EIF4A2: variants seen among roughly 807,000 people sequenced by gnomAD.
EIF4A2 encodes the protein eukaryotic initiation factor 4A-II.
EIF4A2 carries 9 observed loss-of-function variants against 50.6 expected under a neutral mutation model. The ratio of observed to expected loss-of-function variants is 0.18; its 90% confidence interval spans 0.11 to 0.31. The LOEUF is 0.31. EIF4A2 is among the 10% of genes least tolerant of loss of function. The pLI, the probability that EIF4A2 is intolerant of heterozygous loss-of-function variation, is 1.00. For missense variants in EIF4A2, 182 were observed against 501.8 expected, an observed-to-expected ratio of 0.36 and a Z score of 6.09; for synonymous variants, 215 against 164.4, an observed-to-expected ratio of 1.31 and a Z score of -2.35.
Position 186,789,784 on chromosome 3 carries a change from G to A in EIF4A2, c.*515G>A, listed in dbSNP as rs1050519190. On this transcript the variant is annotated 3_prime_UTR_variant, in exon 11 of 11. Coordinates refer to ENST00000323963, the MANE Select transcript of EIF4A2 (RefSeq NM_001967.4). ...TAGTGCTAAGTGTGAACTGGACCCT[G>A]TTGCTAAGCCCCAGCAAGCAATCCT... 8.8e-6 allele frequency: 5 copies of A among 570,094 alleles called. No individual in the cohort carries two copies. The highest frequency in any genetic ancestry group is 1.5e-5 in the Non-Finnish European group (5 of 322,966). The allele number at this position is 570,094 out of a possible 1,614,324, so 35.3% of individuals were successfully genotyped here. A position where few individuals can be genotyped will look rare whatever the true frequency, so the allele number is the denominator to read the frequency against.
Position 186,786,240 on chromosome 3 carries a change from T to C in EIF4A2, c.594T>C (p.Tyr198=). The change falls in exon 6 of 11, where the codon TAT becomes TAC. Residue 198 remains tyrosine, a synonymous_variant. Transcript: ENST00000323963. ...GCCGTGGTTTTAAGGATCAAATCTA[T>C]GAGATTTTCCAAAAACTAAACACAA... The part of the protein sequence containing the change: ...MLSRGFKDQI[Y]EIFQKLNTSI... 1 of 1,613,652 alleles carries C rather than the reference T, an allele frequency of 6.2e-7. No individual in the cohort carries two copies. The highest frequency in any genetic ancestry group is 8.5e-7 in the Non-Finnish European group (1 of 1,179,802).
rs773001179 is a variant in EIF4A2, at chr3:186,789,840, A to G, written c.*571A>G. The G allele has an allele frequency of 6.9e-5, 47 of 683,328 alleles. No homozygotes were observed. In the Middle Eastern group the frequency reaches 1.1e-3, roughly 17 times the overall value. The allele number at this position is 683,328 out of a possible 1,614,324, so 42.3% of individuals were successfully genotyped here. ...GGGTTTAATCCCCAGTAAAATTGCC[A>G]TATTGCACATGTCTTAATGAAGTTT... On this transcript the variant is annotated 3_prime_UTR_variant, in exon 11 of 11. Coordinates refer to ENST00000323963, the MANE Select transcript of EIF4A2 (RefSeq NM_001967.4).
intron 3 of EIF4A2, 95 bp from the exon 4 acceptor site, chr3:186,784,867 T>C (rs1484413305): frequency 1.2e-6 from 2 of 1,605,078 alleles, no homozygotes; most frequent in Non-Finnish European, 1.7e-6. Context: ...GATCACTTGA[T>C]TATTTGGGCA....
At chr3:186,785,508 T>C (rs1721641403) in intron 4 of EIF4A2, 1 of 297,488 alleles carries the variant, frequency 3.4e-6, no homozygotes, top group Admixed American at 4.7e-5. Flanking sequence ...CTGTAGGCTT[T>C]ATTGAGGTCA....
chr3:186,789,434 G>T lies in EIF4A2; in HGVS notation c.*165G>T. On this transcript the variant is annotated 3_prime_UTR_variant, in exon 11 of 11. Transcript: ENST00000323963. ...AAAGCGACGTTAGTCGTGAGCTCTT[G>T]TGAGGAAAGTCATTGGCTTTATCCT... 8.4e-6 allele frequency: 8 copies of T among 948,556 alleles called. No individual in the cohort carries two copies. The highest frequency in any genetic ancestry group is 1.2e-5 in the Non-Finnish European group (8 of 674,594). 58.8% of individuals were successfully genotyped at this position (948,556 alleles called of 1,614,324 possible).
chr3:186,784,377 G>A, intron 1 of EIF4A2, 55 bp from the exon 2 acceptor site: 1 of 1,613,700 alleles, frequency 6.2e-7, no homozygotes, highest in Non-Finnish European at 8.5e-7. Context: ...ATGCGCTTAA[G>A]GTGCAGTTGA....
chr3:186,785,344 C>A, intron 4 of EIF4A2: 2 of 522,492 alleles, frequency 3.8e-6, no homozygotes, highest in Non-Finnish European at 6.6e-6. Flanking sequence ...TAGATCTGTC[C>A]CCATTTTTTA....
chr3:186,789,488 T>TAAAAGATGGGGTCTGTA lies in EIF4A2; in HGVS notation c.*223_*239dup. 1 of 471,444 alleles carries TAAAAGATGGGGTCTGTA rather than the reference T, an allele frequency of 2.1e-6. No homozygotes were observed. The allele number at this position is 471,444 out of a possible 1,614,324, so 29.2% of individuals were successfully genotyped here. On this transcript the variant is annotated 3_prime_UTR_variant, in exon 11 of 11. Coordinates refer to ENST00000323963, the MANE Select transcript of EIF4A2 (RefSeq NM_001967.4). The stretch of plus-strand genomic sequence containing the variant: ...TAGAGTTAGACTGTTGGGGTGGGTA[T>TAAAAGATGGGGTCTGTA]AAAAGATGGGGTCTGTAAAATCTTT...
chr3:186,784,518 G>C (rs763238505), intron 2 of EIF4A2, 41 bp downstream of exon 2: 1 of 1,614,178 alleles, frequency 6.2e-7, no homozygotes, highest in Non-Finnish European at 8.5e-7. Context: ...GGAAAGGTGA[G>C]TGTGTTCATC....
intron 1 of EIF4A2, chr3:186,784,225 G>A: frequency 1.5e-6 from 1 of 669,972 alleles, no homozygotes; most frequent in Non-Finnish European, 2.5e-6. Flanking sequence ...ATCGCCATGC[G>A]CTCGGGCCTG....
At chr3:186,788,615 T>G (rs1027636104) in intron 10 of EIF4A2, 3 of 284,482 alleles carry the variant, frequency 1.1e-5, no homozygotes, top group African/African-American at 6.7e-5. Context: ...CGTGTGAAAC[T>G]GAGCAAAAAA....
intron 1 of EIF4A2, chr3:186,784,123 G>T (rs1721543334): frequency 2.0e-6 from 1 of 501,998 alleles, no homozygotes; most frequent in Non-Finnish European, 3.6e-6. Context: ...TCGCCAGGCC[G>T]CTCCGCCCGC....
chr3:186,787,884 T>TGA lies in EIF4A2; in HGVS notation c.1079+5_1079+6dup, dbSNP rs755760840. 3.7e-6 allele frequency: 6 copies of TGA among 1,613,584 alleles called. No individual in the cohort carries two copies. In the East Asian group the frequency reaches 1.3e-4, roughly 36 times the overall value. On this transcript the variant is annotated splice_region_variant and intron_variant, in intron 10 of 10. Transcript: ENST00000323963. ...CAATCGTGAAAACTATATTCACAGG[T>TGA]GAGAAGCCAGCATCTTGGCTGTATT... is the stretch of plus-strand genomic sequence containing the variant.
chr3:186,784,486 C>T lies in EIF4A2; in HGVS notation c.75+9C>T, dbSNP rs1721574632. ...CCGATGGTGTCATCGAGGTAAGAAA[C>T]GGTTGTGGATCTTGAAGCTTTGGAA... On this transcript the variant is annotated intron_variant, in intron 2 of 10. Coordinates refer to ENST00000323963, the MANE Select transcript of EIF4A2 (RefSeq NM_001967.4). 2.5e-6 allele frequency: 4 copies of T among 1,614,164 alleles called. No homozygotes were observed. The South Asian group carries it at 3.3e-5, about 13-fold the overall frequency.
At position 186,786,751 on chromosome 3, in the gene EIF4A2, G is replaced by T. The variant is rs1327885356; in HGVS notation, c.771+106G>T. 3 of 1,453,460 alleles carry T rather than the reference G, an allele frequency of 2.1e-6. No homozygotes were observed. The African/African-American group carries it at 4.4e-5, about 21-fold the overall frequency. The allele number at this position is 1,453,460 out of a possible 1,614,324, so 90.0% of individuals were successfully genotyped here. On this transcript the variant is annotated intron_variant, in intron 7 of 10. Transcript: ENST00000323963. ...TGGTTTTTGCAATAATGCTAGCAGA[G>T]TACACACAAGAAGAAAAGTAACAGC...
intron 5 of EIF4A2, 35 bp from the exon 6 acceptor site, chr3:186,786,129 A>G: frequency 1.9e-6 from 3 of 1,608,654 alleles, no homozygotes; most frequent in South Asian, 2.2e-5. Context: ...CACTGAGTAG[A>G]TCTAGAAATG....
intron 6 of EIF4A2, 86 bp downstream of exon 6, chr3:186,786,359 T>TACTGTTACAATACAACTGA: frequency 6.6e-7 from 1 of 1,516,200 alleles, no homozygotes; most frequent in Non-Finnish European, 8.9e-7. Context: ...ATGTGTTTTG[T>TACTGTTACAATACAACTGA]TGTCGTTCCC....
Position 186,783,585 on chromosome 3 carries a change from T to TCGGG in EIF4A2, c.-23_-20dup. 1 of 1,614,144 alleles carries TCGGG rather than the reference T, an allele frequency of 6.2e-7. No homozygotes were observed. The highest frequency in any genetic ancestry group is 8.5e-7 in the Non-Finnish European group (1 of 1,180,026). On this transcript the variant is annotated 5_prime_UTR_variant, in exon 1 of 11. Coordinates refer to ENST00000323963, the MANE Select transcript of EIF4A2 (RefSeq NM_001967.4). ...TGGTTGGGCGCCGCTGTCTTTTCAG[T>TCGGG]CGGGCGCTGAGTGGTTTTTCGGATC...
intron 1 of EIF4A2, 151 bp downstream of exon 1, chr3:186,783,790 G>A (rs1194697241): frequency 3.2e-6 from 4 of 1,266,802 alleles, no homozygotes; most frequent in Non-Finnish European, 4.5e-6. Flanking sequence ...CTTCCATGAT[G>A]GGTAGGGCCC....
Sources: allele counts gnomAD v4.1 joint callset, GRCh38; gene constraint gnomAD v4.1.1; transcripts MANE v1.5; gene names NCBI Gene and HGNC (gene_info 2026-07-23, HGNC 2026-07-21).